LRRC51: variants seen among roughly 807,000 people sequenced by gnomAD.
The protein encoded by LRRC51 is leucine-rich repeat-containing protein 51.
A neutral mutation model predicts 17.8 loss-of-function variants in LRRC51; 8 were observed. That is an observed-to-expected ratio of 0.45 (90% CI 0.26 to 0.81). The LOEUF is 0.81. LRRC51 is among the 30% of genes least tolerant of loss of function. The pLI is 0.17. For synonymous variants in LRRC51, 92 were observed against 96.0 expected (o/e 0.96, Z 0.24); for missense variants, 233 against 239.3 (o/e 0.97, Z 0.17).
chr11:72,087,833 ACTT>A (rs1410816521), intron 1 of LRRC51, among the ~76,000 whole-genome samples: 1 of 152,244 alleles, frequency 6.6e-6, no homozygotes, highest in Non-Finnish European at 1.5e-5. Context: ...TAATTTCACC[ACTT>A]CATTTTACTT....
intron 1 of LRRC51, among the ~76,000 whole-genome samples, chr11:72,087,798 T>C (rs966461297): frequency 1.5e-4 from 23 of 152,246 alleles, no homozygotes; most frequent in African/African-American, 5.3e-4. Flanking sequence ...TTTTGATATA[T>C]TGGGTAAAAT....
At chr11:72,088,683 C>CA (rs144889867) in intron 2 of LRRC51, 2 of 529,704 alleles carry the variant, frequency 3.8e-6, no homozygotes, top group East Asian at 3.3e-5. Flanking sequence ...GAAAAGGTCT[C>CA]AGAGTAGGAT....
intron 3 of LRRC51, among the ~76,000 whole-genome samples, chr11:72,090,231 T>C (rs1307620338): frequency 6.6e-6 from 1 of 152,188 alleles, no homozygotes; most frequent in Non-Finnish European, 1.5e-5. Flanking sequence ...CAAGGGGTTT[T>C]AGCTGCAATA....
rs1179553560 is a variant in LRRC51 at position 72,095,972 on chromosome 11, A to C, written c.*452A>C. ...ATTCTCCTGCCTCAGCCTCCTGAGT[A>C]GCTGGGATTACAGGCGCCTGCTACC... On this transcript the variant is annotated 3_prime_UTR_variant, in exon 6 of 6. Transcript: ENST00000289488. 2.0e-5 allele frequency: 4 copies of C among 205,112 alleles called. No individual in the cohort carries two copies. The East Asian group carries it at 5.0e-4, about 25-fold the overall frequency. 12.7% of individuals were successfully genotyped at this position (205,112 alleles called of 1,614,324 possible).
chr11:72,094,762 G>A (rs1487667627), intron 4 of LRRC51, 186 bp from the exon 5 acceptor site: 17 of 1,129,504 alleles, frequency 1.5e-5, no homozygotes, highest in Admixed American at 1.2e-4. Context: ...CCTTTTCAGT[G>A]TGATGCCCTG....
At chr11:72,094,534 C>T (rs1945057584) in intron 4 of LRRC51, 2 of 599,048 alleles carry the variant, frequency 3.3e-6, no homozygotes, top group Non-Finnish European at 3.0e-6. Context: ...ATGACTTGGA[C>T]ACTATTCCCC....
In LRRC51 at chr11:72,095,697, G is replaced by A; in HGVS notation, c.*177G>A. 7.1e-7 allele frequency: 1 copy of A among 1,414,750 alleles called. No homozygotes were observed. Among genetic ancestry groups the A allele is most frequent in the East Asian group, 2.7e-5 (1 of 37,382 alleles). 87.6% of individuals were successfully genotyped at this position (1,414,750 alleles called of 1,614,324 possible). A position where few individuals can be genotyped will look rare whatever the true frequency, so the allele number is the denominator to read the frequency against. On this transcript the variant is annotated 3_prime_UTR_variant, in exon 6 of 6. Transcript: ENST00000289488. ...TTTTCTTTTTTTTTTTTTTGAGACGGAGTCTCACTCTGTCACACAGGCTGG... is the reference window on the plus strand; with the variant it reads ...TTTTCTTTTTTTTTTTTTTGAGACGAAGTCTCACTCTGTCACACAGGCTGG...
intron 3 of LRRC51, chr11:72,089,379 C>T (rs780745302): frequency 2.0e-6 from 3 of 1,475,538 alleles, no homozygotes; most frequent in East Asian, 2.7e-5. Context: ...CCCAGGAGAT[C>T]CTAAGAACAT....
chr11:72,095,832 C>T lies in LRRC51; in HGVS notation c.*312C>T, dbSNP rs1317388543. On this transcript the variant is annotated 3_prime_UTR_variant, in exon 6 of 6. Coordinates refer to ENST00000289488, the MANE Select transcript of LRRC51 (RefSeq NM_145309.6). Reference sequence around the variant, plus strand: ...TGATTAAAGGCGCCTGCCACCATGACTGGCTAATTTTGTTGTTGTTGTTGT... The same window carrying T: ...TGATTAAAGGCGCCTGCCACCATGATTGGCTAATTTTGTTGTTGTTGTTGT... 7 of 428,922 alleles carry T rather than the reference C, an allele frequency of 1.6e-5. No homozygotes were observed. Among genetic ancestry groups the T allele is most frequent in the African/African-American group, 4.1e-5 (2 of 48,490 alleles). The allele number at this position is 428,922 out of a possible 1,614,324, so 26.6% of individuals were successfully genotyped here. A position where few individuals can be genotyped will look rare whatever the true frequency, so the allele number is the denominator to read the frequency against.
intron 3 of LRRC51, 25 bp from the exon 4 acceptor site, chr11:72,093,471 C>T (rs1470082641): frequency 6.3e-7 from 1 of 1,594,816 alleles, no homozygotes; most frequent in Non-Finnish European, 8.5e-7. Flanking sequence ...AAAGATGATA[C>T]CCAAGTCTCA....
chr11:72,088,798 A>C (rs1372541660), intron 2 of LRRC51: 2 of 535,270 alleles, frequency 3.7e-6, no homozygotes, highest in African/African-American at 3.8e-5. Flanking sequence ...TTTCCAGACA[A>C]AGAAATGGGT....
chr11:72,086,538 A>G, intron 1 of LRRC51: 1 of 694,876 alleles, frequency 1.4e-6, no homozygotes, highest in Non-Finnish European at 2.6e-6. Flanking sequence ...TCATCCCACA[A>G]ACATTTTGAG....
intron 1 of LRRC51, among the ~76,000 whole-genome samples, 179 bp from the exon 2 acceptor site, chr11:72,088,118 C>T (rs1270537473): frequency 1.3e-5 from 2 of 152,128 alleles, no homozygotes; most frequent in African/African-American, 4.8e-5. Flanking sequence ...ACATACAAAC[C>T]CCTTGGTAAA....
At chr11:72,086,318 G>A (rs1944529268) in intron 1 of LRRC51, 1 of 684,956 alleles carries the variant, frequency 1.5e-6, no homozygotes, top group Non-Finnish European at 2.7e-6. Context: ...TCATGACAGG[G>A]TTCTATTATT....
chr11:72,095,666 C>CT lies in LRRC51; in HGVS notation c.*150dup, dbSNP rs748979182. On this transcript the variant is annotated 3_prime_UTR_variant, in exon 6 of 6. Transcript: ENST00000289488. ...TCAGGCAACTGCAAGTAGCTCTAGC[C>CT]TTTTCTTTTCTTTTTTTTTTTTTTG... 1 of 1,492,954 alleles carries CT rather than the reference C, an allele frequency of 6.7e-7. No individual in the cohort carries two copies. 92.5% of individuals were successfully genotyped at this position (1,492,954 alleles called of 1,614,324 possible).
intron 4 of LRRC51, chr11:72,094,335 T>C (rs116392780): frequency 0.016 from 3,684 of 234,902 alleles, 146 homozygotes; most frequent in African/African-American, 0.08. Context: ...AAACAACTGG[T>C]ACATCAGAGG....
At chr11:72,087,287 CTTTTTT>C (rs58257513) in intron 1 of LRRC51, among the ~76,000 whole-genome samples, 1 of 107,294 alleles carries the variant, frequency 9.3e-6, no homozygotes, top group South Asian at 2.9e-4. Flanking sequence ...AACAGAAATT[CTTTTTT>C]TTTTTTTTTT....
chr11:72,092,860 G>A (rs191542013), intron 3 of LRRC51, among the ~76,000 whole-genome samples: 3 of 152,320 alleles, frequency 2.0e-5, no homozygotes, highest in Middle Eastern at 3.4e-3. Context: ...CCCATACTGG[G>A]TCAATAGCCT....
At chr11:72,088,971 T>G (rs1227046208) in intron 2 of LRRC51, 58 bp from the exon 3 acceptor site, 2 of 1,596,102 alleles carry the variant, frequency 1.3e-6, no homozygotes, top group Non-Finnish European at 1.7e-6. Context: ...GATGGAGGAC[T>G]ATGGGGAAAC....
Sources: gnomAD v4.1 joint callset for allele counts (sites outside exome capture counted in the v4.1 genomes callset) on GRCh38, gnomAD v4.1.1 for gene constraint, MANE v1.5 for transcripts, NCBI Gene and HGNC (gene_info 2026-07-23, HGNC 2026-07-21) for gene names.